NUS1: variants seen among roughly 807,000 people sequenced by gnomAD.
NUS1 encodes dehydrodolichyl diphosphate synthase complex subunit NUS1.
For missense variants in NUS1, 292 were observed against 382.9 expected (o/e 0.76, Z 1.98); for synonymous variants, 135 against 155.2 (o/e 0.87, Z 0.97).
chr6:117,695,579 A>G (rs1344297300), intron 3 of NUS1, among the ~76,000 whole-genome samples: 2 of 152,242 alleles, frequency 1.3e-5, no homozygotes, highest in Admixed American at 6.5e-5. Context: ...GCTAATGTTT[A>G]TTAAGCCCAG....
intron 1 of NUS1, among the ~76,000 whole-genome samples, chr6:117,686,577 T>G (rs989521568): frequency 6.6e-6 from 1 of 152,202 alleles, no homozygotes; most frequent in Admixed American, 6.5e-5. Context: ...TTCTGTAAAA[T>G]ACTGTTTTCT....
At chr6:117,697,368 G>A (rs1037918809) in intron 3 of NUS1, among the ~76,000 whole-genome samples, 10 of 151,792 alleles carry the variant, frequency 6.6e-5, no homozygotes, top group Admixed American at 2.0e-4. Context: ...TACAGTGGGC[G>A]GATGGATAAA....
intron 1 of NUS1, among the ~76,000 whole-genome samples, chr6:117,676,590 T>C (rs1772985667): frequency 6.6e-6 from 1 of 151,992 alleles, no homozygotes; most frequent in African/African-American, 2.4e-5. Context: ...AATAAGTAAA[T>C]AAATAAATAA....
intron 3 of NUS1, among the ~76,000 whole-genome samples, chr6:117,699,368 A>T (rs913936649): frequency 3.3e-5 from 5 of 152,224 alleles, no homozygotes; most frequent in African/African-American, 9.6e-5. Context: ...CTGAAAAAGA[A>T]ACCAAGAAAG....
chr6:117,700,453 A>G (rs1034823257), intron 3 of NUS1, among the ~76,000 whole-genome samples: 3 of 152,182 alleles, frequency 2.0e-5, no homozygotes, highest in African/African-American at 7.2e-5. Context: ...TTATTGTAAA[A>G]TGGCTTTTTT....
chr6:117,704,304 G>A (rs1278859741), intron 4 of NUS1, among the ~76,000 whole-genome samples: 1 of 152,158 alleles, frequency 6.6e-6, no homozygotes, highest in East Asian at 1.9e-4. Context: ...AAAAAGACAA[G>A]TGAAGAGGCC....
intron 4 of NUS1, 49 bp downstream of exon 4, chr6:117,703,753 C>A (rs1161255172): frequency 1.5e-6 from 2 of 1,291,754 alleles, no homozygotes; most frequent in Non-Finnish European, 2.3e-6. Flanking sequence ...GCAAGTGTTT[C>A]TTGAGTTCAG....
intron 1 of NUS1, among the ~76,000 whole-genome samples, chr6:117,678,191 G>T (rs1249656779): frequency 1.3e-5 from 2 of 152,208 alleles, no homozygotes; most frequent in Admixed American, 6.5e-5. Context: ...ACCTTAAGGA[G>T]CATTTTCAGT....
chr6:117,691,191 T>A (rs1485142557), intron 1 of NUS1, among the ~76,000 whole-genome samples: 3 of 152,140 alleles, frequency 2.0e-5, no homozygotes, highest in African/African-American at 7.2e-5. Context: ...GTTGCCAGAT[T>A]AATTCTTCTA....
At chr6:117,686,949 T>C (rs1252138324) in intron 1 of NUS1, among the ~76,000 whole-genome samples, 2 of 151,770 alleles carry the variant, frequency 1.3e-5, no homozygotes, top group Non-Finnish European at 1.5e-5. Context: ...TGCTTGTGAA[T>C]AAGTATGATC....
At chr6:117,698,257 A>G (rs1773349536) in intron 3 of NUS1, among the ~76,000 whole-genome samples, 1 of 152,098 alleles carries the variant, frequency 6.6e-6, no homozygotes, top group African/African-American at 2.4e-5. Context: ...TTTAGAAAAG[A>G]TAAAATTGAG....
Position 117,709,270 on chromosome 6 carries a change from G to A in NUS1, c.*2255G>A, listed in dbSNP as rs1366315903. On this transcript the variant is annotated 3_prime_UTR_variant, in exon 5 of 5. Coordinates refer to ENST00000368494, the MANE Select transcript of NUS1 (RefSeq NM_138459.5). ...TAAACAAAAGTATGTGTCTTTATTT[G>A]TATTGGAAAATACTGTCTTTAAATT... The A allele has an allele frequency of 1.3e-5, 2 of 150,404 alleles. No individual in the cohort carries two copies. Among genetic ancestry groups the A allele is most frequent in the African/African-American group, 4.9e-5 (2 of 40,820 alleles). 9.3% of individuals were successfully genotyped at this position (150,404 alleles called of 1,614,324 possible). A position where few individuals can be genotyped will look rare whatever the true frequency, so the allele number is the denominator to read the frequency against.
In NUS1 at chr6:117,694,752, GTTC is replaced by G. The variant is rs1293198430; in HGVS notation, c.691+578_691+580del. On this transcript the variant is annotated intron_variant, in intron 3 of 4. Transcript: ENST00000368494. ...AGGACCTTTTTGCCATAATGTCATG[GTTC>G]TTCTTGCTTACTAGCATTAGCCTTG... is the stretch of plus-strand genomic sequence containing the variant. 7.2e-5 allele frequency among the ~76,000 whole-genome samples: 11 copies of G among 152,038 alleles called. No homozygotes were observed. In the South Asian group the frequency reaches 2.3e-3, roughly 32 times the overall value.
At chr6:117,698,896 A>G (rs1773358771) in intron 3 of NUS1, among the ~76,000 whole-genome samples, 1 of 152,150 alleles carries the variant, frequency 6.6e-6, no homozygotes, top group Non-Finnish European at 1.5e-5. Flanking sequence ...TGACAGTATG[A>G]AAGATAAAAA....
At chr6:117,695,300 G>A (rs1057353119) in intron 3 of NUS1, among the ~76,000 whole-genome samples, 3 of 148,556 alleles carry the variant, frequency 2.0e-5, no homozygotes, top group African/African-American at 5.0e-5. Flanking sequence ...ACATGTGTCC[G>A]TCACAGAGCA....
At chr6:117,700,864 A>C (rs1773395843) in intron 3 of NUS1, among the ~76,000 whole-genome samples, 1 of 152,174 alleles carries the variant, frequency 6.6e-6, no homozygotes, top group South Asian at 2.1e-4. Flanking sequence ...AGAAAGACAA[A>C]CATCACATGT....
At chr6:117,680,976 T>C (rs1773053409) in intron 1 of NUS1, among the ~76,000 whole-genome samples, 1 of 152,222 alleles carries the variant, frequency 6.6e-6, no homozygotes, top group South Asian at 2.1e-4. Flanking sequence ...TCCTATCTTT[T>C]CAACCTGTTT....
At chr6:117,684,306 A>G (rs112782647) in intron 1 of NUS1, among the ~76,000 whole-genome samples, 103 of 152,362 alleles carry the variant, frequency 6.8e-4, no homozygotes, top group Non-Finnish European at 9.6e-4. Context: ...GATATCTCCC[A>G]TAATTCCAGA....
At chr6:117,686,290 G>A (rs550340323) in intron 1 of NUS1, among the ~76,000 whole-genome samples, 3 of 151,130 alleles carry the variant, frequency 2.0e-5, no homozygotes, top group Non-Finnish European at 4.4e-5. Context: ...TAGTTTTTTC[G>A]AAAAATACTA....
Sources: allele counts gnomAD v4.1 joint callset (sites outside exome capture counted in the v4.1 genomes callset), GRCh38; gene constraint gnomAD v4.1.1; transcripts MANE v1.5; gene names NCBI Gene and HGNC (gene_info 2026-07-23, HGNC 2026-07-21).